The following ISM1 variants were observed in gnomAD, a reference collection of about 807,000 sequenced individuals.
ISM1 encodes the protein isthmin-1.
Under a neutral mutation model 46.3 loss-of-function variants are expected in ISM1, and 25 were observed. The observed-to-expected ratio is 0.54, with a 90% CI of 0.39 to 0.75. ISM1 has a LOEUF of 0.75. Among genes scored for constraint, ISM1 ranks in the 30% least tolerant of loss-of-function variants. The pLI is 0.00. For synonymous variants in ISM1, 255 were observed against 256.7 expected, an observed-to-expected ratio of 0.99 and a Z score of 0.06; for missense variants, 536 against 625.4, an observed-to-expected ratio of 0.86 and a Z score of 1.52.
At chr20:13,318,979 A>G in the ISM1 span, among the ~76,000 whole-genome samples, 2 of 152,200 alleles carry the variant, frequency 1.3e-5, no homozygotes, top group East Asian at 3.9e-4. Flanking sequence ...GTCCAAACTC[A>G]TATAACTGTA....
chr20:13,285,074 G>A (rs1292715894), intron 3 of ISM1, among the ~76,000 whole-genome samples: 2 of 152,288 alleles, frequency 1.3e-5, no homozygotes, highest in South Asian at 2.1e-4. Flanking sequence ...ATTGCCTGAA[G>A]CCAGGATTTC....
rs548525509 is a variant in ISM1, at chr20:13,288,464, T to C, written c.644-76T>C. 14 of 1,485,342 alleles carry C rather than the reference T, an allele frequency of 9.4e-6. No homozygotes were observed. In the African/African-American group the frequency reaches 1.5e-4, roughly 16 times the overall value. 92.0% of individuals were successfully genotyped at this position (1,485,342 alleles called of 1,614,324 possible). ...CAGCGAGAAGGATAGAAGTGAATAA[T>C]TGACAGGCTGCTTGATGGGGAGATT... On this transcript the variant is annotated intron_variant, in intron 3 of 5. Coordinates refer to ENST00000262487, the MANE Select transcript of ISM1 (RefSeq NM_080826.2).
chr20:13,255,925 G>GT (rs73615551), intron 1 of ISM1, among the ~76,000 whole-genome samples: 263 of 147,888 alleles, frequency 1.8e-3, no homozygotes, highest in Middle Eastern at 6.9e-3. Context: ...AGTTCCTGGG[G>GT]TTTTTTTTTT....
rs193275928 is a variant in ISM1 at position 13,292,797 on chromosome 20, C to T, written c.877+334C>T. Among the ~76,000 whole-genome samples, 490 of 152,232 alleles carry T rather than the reference C, an allele frequency of 3.2e-3. 3 individuals carry two copies. Among genetic ancestry groups the T allele is most frequent in the Non-Finnish European group, 4.9e-3 (333 of 68,006 alleles). On this transcript the variant is annotated intron_variant, in intron 5 of 5. Coordinates refer to ENST00000262487, the MANE Select transcript of ISM1 (RefSeq NM_080826.2). ...CTGTTCTTACTCAGCCTTCATTGAG[C>T]GTCCTCAAGAAAATCAAGAAATGGT...
downstream of ISM1, among the ~76,000 whole-genome samples, chr20:13,303,373 T>C (rs562577195): frequency 6.6e-6 from 1 of 152,390 alleles, no homozygotes; most frequent in African/African-American, 2.4e-5. Flanking sequence ...TGTGGTTCTA[T>C]AGCTGAGCCC....
At chr20:13,281,385 T>C (rs1164138402) in intron 3 of ISM1, among the ~76,000 whole-genome samples, 1 of 152,190 alleles carries the variant, frequency 6.6e-6, no homozygotes, top group African/African-American at 2.4e-5. Context: ...AGTCAAGTTA[T>C]CTGCTTTCCA....
At chr20:13,280,733 C>A (rs1383398618) in intron 3 of ISM1, among the ~76,000 whole-genome samples, 1 of 152,204 alleles carries the variant, frequency 6.6e-6, no homozygotes, top group Non-Finnish European at 1.5e-5. Context: ...TACTGAAATT[C>A]TGTTGGGAAG....
chr20:13,259,235 C>T (rs984480924), intron 1 of ISM1, among the ~76,000 whole-genome samples: 3 of 150,426 alleles, frequency 2.0e-5, no homozygotes, highest in South Asian at 2.1e-4. Flanking sequence ...GAGCCGAGAT[C>T]GTACCACTGC....
chr20:13,306,978 A>C, the ISM1 span, among the ~76,000 whole-genome samples: 1 of 152,144 alleles, frequency 6.6e-6, no homozygotes, highest in African/African-American at 2.4e-5. Context: ...AAAAGACCAC[A>C]TTTGAATCCC....
the ISM1 span, among the ~76,000 whole-genome samples, chr20:13,324,307 G>C: frequency 6.6e-6 from 1 of 152,194 alleles, no homozygotes; most frequent in Non-Finnish European, 1.5e-5. Flanking sequence ...AATTCACAGA[G>C]AGTTGTAGGG....
At position 13,270,687 on chromosome 20, in the gene ISM1, C is replaced by T. The variant is rs757265973; in HGVS notation, c.322C>T (p.Pro108Ser). The change falls in exon 2 of 6, where the codon CCA becomes TCA. Residue 108 changes from proline to serine, a missense_variant. Physicochemically the swap from Pro to Ser is moderately conservative, Grantham distance 74. This residue lies in a region of ISM1 where 367 missense variants were observed against 376.1 expected (regional missense o/e 0.98). Transcript: ENST00000262487. ...DFPRSFLLDL[P>S]NFPDLSKADI... The stretch of plus-strand genomic sequence containing the variant: ...CCCCAGATCCTTTCTCCTTGATCTA[C>T]CAAACTTTCCAGATCTTTCCAAAGC... The T allele has an allele frequency of 1.9e-6, 3 of 1,613,776 alleles. No individual in the cohort carries two copies. In the African/African-American group the frequency reaches 4.0e-5, roughly 22 times the overall value.
At chr20:13,274,621 A>G (rs1261129216) in intron 2 of ISM1, among the ~76,000 whole-genome samples, 1 of 152,160 alleles carries the variant, frequency 6.6e-6, no homozygotes, top group East Asian at 1.9e-4. Flanking sequence ...CCAAAGTGAC[A>G]TCGCTAAGCC....
chr20:13,228,065 C>T (rs1218131345), intron 1 of ISM1, among the ~76,000 whole-genome samples: 7 of 150,876 alleles, frequency 4.6e-5, no homozygotes, highest in African/African-American at 1.5e-4. Flanking sequence ...CTCCCTCTCC[C>T]GGGTTCAAGC....
intron 1 of ISM1, among the ~76,000 whole-genome samples, chr20:13,253,517 T>C (rs557065125): frequency 6.6e-6 from 1 of 152,176 alleles, no homozygotes; most frequent in Non-Finnish European, 1.5e-5. Context: ...TTACCGACTA[T>C]CAGCCACTGT....
intron 1 of ISM1, among the ~76,000 whole-genome samples, chr20:13,252,755 CAA>C (rs1321156046): frequency 7.0e-6 from 1 of 142,716 alleles, no homozygotes; most frequent in African/African-American, 2.6e-5. Context: ...GACTCTGTCT[CAA>C]AAAAAAAAAG....
the ISM1 span, among the ~76,000 whole-genome samples, chr20:13,317,872 C>T: frequency 1.4e-4 from 22 of 152,134 alleles, no homozygotes; most frequent in Admixed American, 5.9e-4. Context: ...ATCTAGATGA[C>T]CTTGTGTTAG....
At chr20:13,263,743 T>G (rs750999355) in intron 1 of ISM1, among the ~76,000 whole-genome samples, 228 of 152,284 alleles carry the variant, frequency 1.5e-3, no homozygotes, top group Non-Finnish European at 3.0e-3. Context: ...TGGCTTCCTT[T>G]CATCTGGAAA....
At chr20:13,237,445 G>A (rs567896780) in intron 1 of ISM1, among the ~76,000 whole-genome samples, 85 of 152,330 alleles carry the variant, frequency 5.6e-4, no homozygotes, top group South Asian at 1.2e-3. Context: ...GTAATGTTGA[G>A]TGAAGGAAAC....
At chr20:13,279,105 CA>C (rs2040210960) in intron 2 of ISM1, among the ~76,000 whole-genome samples, 1 of 152,132 alleles carries the variant, frequency 6.6e-6, no homozygotes. Context: ...ATGTGGCACA[CA>C]AAAACACAGA....
Sources: allele counts gnomAD v4.1 joint callset (sites outside exome capture counted in the v4.1 genomes callset), GRCh38; gene constraint gnomAD v4.1.1; regional missense constraint gnomAD v4.1.1; transcripts MANE v1.5; gene names NCBI Gene and HGNC (gene_info 2026-07-23, HGNC 2026-07-21).